Variants in SUMO3 observed in about 807,000 individuals in gnomAD.
SUMO3 encodes small ubiquitin like modifier 3.
In SUMO3, 2 loss-of-function variants were observed where a neutral mutation model predicts 11.1. The ratio of observed to expected loss-of-function variants is 0.18; its 90% CI spans 0.07 to 0.57. The LOEUF is 0.57. Among genes scored for constraint, SUMO3 ranks in the 20% least tolerant of loss-of-function variants. The pLI is 0.92. For synonymous variants in SUMO3, 56 were observed against 53.5 expected (o/e 1.05, Z -0.20); for missense variants, 70 against 132.8 (o/e 0.53, Z 2.32).
chr21:44,814,269 C>T (rs760167442), intron 1 of SUMO3, among the ~76,000 whole-genome samples, 165 bp from the exon 2 acceptor site: 15 of 152,188 alleles, frequency 9.9e-5, no homozygotes, highest in South Asian at 4.1e-4. Context: ...TTTATTTTTA[C>T]ACAGAATTTA....
chr21:44,817,274 G>C (rs932650313), intron 1 of SUMO3, among the ~76,000 whole-genome samples: 2 of 147,752 alleles, frequency 1.4e-5, no homozygotes, highest in Non-Finnish European at 3.0e-5. Flanking sequence ...CGATGGGTGG[G>C]AGTAGGTGCA....
At position 44,805,750 on chromosome 21, in the gene SUMO3, T is replaced by G. The variant is rs235292; in HGVS notation, c.*1201A>C. ...TACAGCAAACAGGAAATGAGAACAT[T>G]TCAGCAAGATTTCAAGCAAGCAAGA... On this transcript the variant is annotated 3_prime_UTR_variant, in exon 4 of 4. Transcript: ENST00000332859. 9,303 of 152,506 alleles carry G rather than the reference T, an allele frequency of 0.061. 442 individuals are homozygous for G. Among genetic ancestry groups the G allele is most frequent in the African/African-American group, 0.12 (5,057 of 41,438 alleles). The allele number at this position is 152,506 out of a possible 1,614,324, so 9.4% of individuals were successfully genotyped here.
At chr21:44,814,184 T>C (rs987696004) in intron 1 of SUMO3, 80 bp from the exon 2 acceptor site, 30 of 1,562,706 alleles carry the variant, frequency 1.9e-5, no homozygotes, top group Non-Finnish European at 2.4e-5. Flanking sequence ...TTTAGGTAAT[T>C]GTTGGCTTTT....
chr21:44,815,659 G>C (rs73372522), intron 1 of SUMO3, among the ~76,000 whole-genome samples: 79 of 152,310 alleles, frequency 5.2e-4, no homozygotes, highest in African/African-American at 1.8e-3. Context: ...AGGGAAGGAA[G>C]GTATGAGTGT....
Position 44,807,596 on chromosome 21 carries a change from G to C in SUMO3, c.223-556C>G, listed in dbSNP as rs2083185361. Among the ~76,000 whole-genome samples the C allele has an allele frequency of 6.6e-6, 1 of 151,942 alleles. No homozygotes were observed. On this transcript the variant is annotated intron_variant, in intron 3 of 3. Transcript: ENST00000332859. The surrounding 1 kb of genome is among the most constrained non-coding windows in gnomAD (Gnocchi z 4.3). ...CGCTCACTTCTCTCCTCCTGACACAGTGGGCGCAAAACACCCACCCTGATC... is the reference window on the plus strand; with the variant it reads ...CGCTCACTTCTCTCCTCCTGACACACTGGGCGCAAAACACCCACCCTGATC...
At position 44,810,994 on chromosome 21, in the gene SUMO3, CCACACATGCACACACCCACATATG is replaced by C. The variant is rs1569308218; in HGVS notation, c.151-1900_151-1877del. 8.2e-6 allele frequency among the ~76,000 whole-genome samples: 1 copy of C among 122,026 alleles called. No homozygotes were observed. The highest frequency in any genetic ancestry group is 1.8e-5 in the Non-Finnish European group (1 of 56,952). The allele number at this position is 122,026 out of a possible 152,430, so 80.1% of individuals were successfully genotyped here. ...CCCATGCACACACCCATGCACACACCCACACATGCACACACCCACATATGCACACACGCACACACCCACATACAC... is the reference window on the plus strand; with the variant it reads ...CCCATGCACACACCCATGCACACACCCACACACGCACACACCCACATACAC... On this transcript the variant is annotated intron_variant, in intron 2 of 3. Coordinates refer to ENST00000332859, the MANE Select transcript of SUMO3 (RefSeq NM_006936.3). This position sits in a 1 kb window ranked among gnomAD's most constrained non-coding sequence, Gnocchi z 4.1.
rs570820514 is a variant in SUMO3 at position 44,814,898 on chromosome 21, C to A, written c.22-794G>T. On this transcript the variant is annotated intron_variant, in intron 1 of 3. Coordinates refer to ENST00000332859, the MANE Select transcript of SUMO3 (RefSeq NM_006936.3). The stretch of plus-strand genomic sequence containing the variant: ...CGGGGTGTCTTGTTGCCTGAAAATG[C>A]ATTTTGAGTTGAGGCAAAAAGCTGA... Among the ~76,000 whole-genome samples the A allele has an allele frequency of 4.6e-5, 7 of 152,364 alleles. No individual in the cohort carries two copies. The East Asian group carries it at 1.2e-3, about 25-fold the overall frequency.
intron 2 of SUMO3, among the ~76,000 whole-genome samples, chr21:44,812,542 G>A (rs770256989): frequency 1.3e-5 from 2 of 152,210 alleles, no homozygotes; most frequent in Non-Finnish European, 2.9e-5. Context: ...CAAAGACGCT[G>A]CCCTTCTGTG....
chr21:44,817,241 A>G (rs1601220648), intron 1 of SUMO3, among the ~76,000 whole-genome samples: 1 of 122,442 alleles, frequency 8.2e-6, no homozygotes, highest in Non-Finnish European at 1.7e-5. Context: ...GACGCGATGG[A>G]GGCGGTGGGT....
intron 1 of SUMO3, among the ~76,000 whole-genome samples, chr21:44,814,968 C>T (rs11911014): frequency 0.04 from 6,155 of 152,236 alleles, 419 homozygotes; most frequent in African/African-American, 0.14. Flanking sequence ...CAGTCTGAGC[C>T]GAAAAGTGGG....
At position 44,810,994 on chromosome 21, in the gene SUMO3, CCA is replaced by C. The variant is rs796569293; in HGVS notation, c.151-1878_151-1877del. On this transcript the variant is annotated intron_variant, in intron 2 of 3. Transcript: ENST00000332859. This position sits in a 1 kb window ranked among gnomAD's most constrained non-coding sequence, Gnocchi z 4.1. ...CCCATGCACACACCCATGCACACACCCACACATGCACACACCCACATATGCAC... is the reference window on the plus strand; with the variant it reads ...CCCATGCACACACCCATGCACACACCCACATGCACACACCCACATATGCAC... 4.2e-3 allele frequency among the ~76,000 whole-genome samples: 510 copies of C among 122,104 alleles called. 3 individuals carry two copies. The highest frequency in any genetic ancestry group is 7.7e-3 in the Admixed American group (98 of 12,724). The allele number at this position is 122,104 out of a possible 152,430, so 80.1% of individuals were successfully genotyped here. A position where few individuals can be genotyped will look rare whatever the true frequency, so the allele number is the denominator to read the frequency against.
rs778617766 is a variant in SUMO3 at position 44,806,940 on chromosome 21, G to T, written c.*11C>A. The T allele has an allele frequency of 6.2e-7, 1 of 1,614,078 alleles. No individual in the cohort carries two copies. The highest frequency in any genetic ancestry group is 8.5e-7 in the Non-Finnish European group (1 of 1,180,014). Reference sequence around the variant, plus strand: ...TGCGAGGATGGACGGCCCGGGCTGGGGACGGGCCCTCTAGAAACTGTGCCC... The same window carrying T: ...TGCGAGGATGGACGGCCCGGGCTGGTGACGGGCCCTCTAGAAACTGTGCCC... On this transcript the variant is annotated 3_prime_UTR_variant, in exon 4 of 4. Coordinates refer to ENST00000332859, the MANE Select transcript of SUMO3 (RefSeq NM_006936.3).
Position 44,806,546 on chromosome 21 carries a change from G to A in SUMO3, c.*405C>T, listed in dbSNP as rs113379284. ...TGTCCAACAGCTGCATCCCCACTGC[G>A]GGAAACACCAATTCTCTATGTGACT... On this transcript the variant is annotated 3_prime_UTR_variant, in exon 4 of 4. Coordinates refer to ENST00000332859, the MANE Select transcript of SUMO3 (RefSeq NM_006936.3). 9.7e-4 allele frequency: 176 copies of A among 182,270 alleles called. 1 individual carries two copies. The highest frequency in any genetic ancestry group is 3.9e-3 in the African/African-American group (166 of 42,246). 11.3% of individuals were successfully genotyped at this position (182,270 alleles called of 1,614,324 possible).
intron 1 of SUMO3, among the ~76,000 whole-genome samples, chr21:44,817,444 G>A (rs1320902369): frequency 2.0e-5 from 3 of 152,082 alleles, no homozygotes; most frequent in African/African-American, 7.2e-5. Context: ...GCCCCTCAGA[G>A]CGCGCCCCTT....
rs1487230296 is a variant in SUMO3 at position 44,817,964 on chromosome 21, G to T, written c.5C>A (p.Ser2Tyr). MSEEKPKEGVKT... is the reference protein window; with the variant it reads MYEEKPKEGVKT... The stretch of plus-strand genomic sequence containing the variant: ...CGCGCTTACCTTGGGCTTCTCCTCG[G>T]ACATGGCTGCGCGAGCGGCGCGGGG... The change falls in exon 1 of 4, where the codon TCC (serine) becomes TAC (tyrosine). Residue 2 changes from serine (S) to tyrosine (Y), a missense_variant. Physicochemically the swap from Ser to Tyr is moderately radical, Grantham distance 144. Transcript: ENST00000332859. 1.7e-6 allele frequency: 2 copies of T among 1,181,452 alleles called. No individual in the cohort carries two copies. The highest frequency in any genetic ancestry group is 1.6e-5 in the African/African-American group (1 of 62,166). 73.2% of individuals were successfully genotyped at this position (1,181,452 alleles called of 1,614,324 possible).
rs188978703 is a variant in SUMO3, at chr21:44,808,255, T to G, written c.222+792A>C. The G allele has an allele frequency of 9.2e-4, 256 of 279,482 alleles. 2 individuals carry two copies. The East Asian group carries it at 0.012, about 13-fold the overall frequency. 17.3% of individuals were successfully genotyped at this position (279,482 alleles called of 1,614,324 possible). On this transcript the variant is annotated intron_variant, in intron 3 of 3. Coordinates refer to ENST00000332859, the MANE Select transcript of SUMO3 (RefSeq NM_006936.3). ...CGGCCGGGCGCGTTGGCTCATGCCT[T>G]TAATCCCAGCACTTTGGGGGGCTGA...
intron 2 of SUMO3, chr21:44,813,650 C>A: frequency 1.5e-6 from 1 of 682,482 alleles, no homozygotes. Context: ...TGAGCAGGGC[C>A]CCCAAGAGCC....
intron 3 of SUMO3, chr21:44,808,617 G>T: frequency 7.3e-7 from 1 of 1,366,642 alleles, no homozygotes. Flanking sequence ...GTGCCTGAGA[G>T]AAACGAGCTG....
At chr21:44,817,586 T>C (rs777226001) in intron 1 of SUMO3, among the ~76,000 whole-genome samples, 33 of 151,654 alleles carry the variant, frequency 2.2e-4, no homozygotes, top group Non-Finnish European at 5.9e-5. Flanking sequence ...GCAAAGACGC[T>C]TCGGGGACAC....
Sources: gnomAD v4.1 joint callset for allele counts (sites outside exome capture counted in the v4.1 genomes callset) on GRCh38, gnomAD v4.1.1 for gene constraint, Gnocchi (gnomAD v3.1) non-coding constraint, MANE v1.5 for transcripts, NCBI Gene and HGNC (gene_info 2026-07-23, HGNC 2026-07-21) for gene names.